Variants in JKAMP observed in about 807,000 individuals in gnomAD.
JKAMP encodes the protein JNK1/MAPK8 associated membrane protein.
A neutral mutation model predicts 40.2 loss-of-function variants in JKAMP; 20 were observed. The ratio of observed to expected loss-of-function variants is 0.50; its 90% confidence interval spans 0.35 to 0.72. The LOEUF (loss-of-function observed/expected upper bound fraction) is 0.72, where lower values mean the gene tolerates loss of function less well. Ranked by LOEUF, JKAMP falls within the 30% of genes least tolerant of loss-of-function variation. JKAMP has a pLI of 0.01. For missense variants in JKAMP, 276 were observed against 373.0 expected (o/e 0.74, Z 2.14); for synonymous variants, 138 against 131.6 (o/e 1.05, Z -0.33).
intron 3 of JKAMP, among the ~76,000 whole-genome samples, chr14:59,489,913 T>G (rs1890862239): frequency 6.6e-6 from 1 of 152,022 alleles, no homozygotes. Flanking sequence ...GTTTTATTTT[T>G]TAATTTATCT....
At chr14:59,485,105 G>C in intron 1 of JKAMP, 5 of 1,598,402 alleles carry the variant, frequency 3.1e-6, no homozygotes, top group Non-Finnish European at 4.2e-6. Context: ...CTTGGAGCCT[G>C]GGTTTTGCTT....
At position 59,503,838 on chromosome 14, in the gene JKAMP, T is replaced by G. The variant is rs1313564321; in HGVS notation, c.718-16T>G. 6.4e-7 allele frequency: 1 copy of G among 1,553,668 alleles called. No homozygotes were observed. Among genetic ancestry groups the G allele is most frequent in the Admixed American group, 1.7e-5 (1 of 58,306 alleles). ...AATCTGTATTTCTCTTTTCTTTCTT[T>G]TACAAAATTATATAGAACTGCTATG... is the stretch of plus-strand genomic sequence containing the variant. On this transcript the variant is annotated splice_polypyrimidine_tract_variant and intron_variant, in intron 6 of 6. Coordinates refer to ENST00000616435, the MANE Select transcript of JKAMP (RefSeq NM_016475.5).
chr14:59,496,106 A>G (rs1217193670), intron 4 of JKAMP, among the ~76,000 whole-genome samples: 1 of 152,126 alleles, frequency 6.6e-6, no homozygotes, highest in Non-Finnish European at 1.5e-5. Context: ...GGGTTTTGCC[A>G]TGTTGGCCAG....
chr14:59,484,619 A>G (rs1890362148), intron 1 of JKAMP, 26 bp downstream of exon 1: 1 of 1,577,176 alleles, frequency 6.3e-7, no homozygotes, highest in Non-Finnish European at 8.6e-7. Context: ...GATCCCGGGA[A>G]GCGTTTCTGG....
intron 1 of JKAMP, chr14:59,484,808 C>A (rs1372897388): frequency 1.1e-6 from 1 of 920,088 alleles, no homozygotes; most frequent in South Asian, 1.8e-5. Flanking sequence ...CTGTCTGCGG[C>A]GAAATGCCAG....
chr14:59,488,931 G>A (rs1428227522), intron 3 of JKAMP, among the ~76,000 whole-genome samples: 1 of 152,186 alleles, frequency 6.6e-6, no homozygotes, highest in Non-Finnish European at 1.5e-5. Context: ...GAAAAATAAG[G>A]AAGACAGCCT....
rs147837187 is a variant in JKAMP at position 59,486,343 on chromosome 14, A to G, written c.5-370A>G. 3.9e-4 allele frequency among the ~76,000 whole-genome samples: 60 copies of G among 152,338 alleles called. No homozygotes were observed. In the East Asian group the frequency reaches 8.3e-3, roughly 21 times the overall value. On this transcript the variant is annotated intron_variant, in intron 1 of 6. Coordinates refer to ENST00000616435, the MANE Select transcript of JKAMP (RefSeq NM_016475.5). ...TTAATGTCCTGACTGGGCAAAATAC[A>G]AGGTGGTGACCCTCTACTGGTGCTC...
At chr14:59,492,085 A>AG (rs1240167107) in intron 3 of JKAMP, among the ~76,000 whole-genome samples, 2 of 152,214 alleles carry the variant, frequency 1.3e-5, no homozygotes, top group Non-Finnish European at 1.5e-5. Context: ...TTATGCTCTG[A>AG]GAGGACACAG....
intron 3 of JKAMP, among the ~76,000 whole-genome samples, chr14:59,488,405 C>A (rs762880472): frequency 6.6e-6 from 1 of 151,990 alleles, no homozygotes; most frequent in Non-Finnish European, 1.5e-5. Flanking sequence ...AAACAAAGTA[C>A]TCTGGAGTTA....
At chr14:59,503,090 A>G (rs1225877975) in intron 6 of JKAMP, among the ~76,000 whole-genome samples, 1 of 149,580 alleles carries the variant, frequency 6.7e-6, no homozygotes, top group African/African-American at 2.5e-5. Flanking sequence ...TTAGCTATAC[A>G]CTGTTAAATT....
chr14:59,485,116 A>T (rs143546562), intron 1 of JKAMP: 11 of 1,598,314 alleles, frequency 6.9e-6, no homozygotes, highest in Non-Finnish European at 9.3e-6. Flanking sequence ...GGTTTTGCTT[A>T]GTAAGTGATA....
chr14:59,485,033 T>C, intron 1 of JKAMP: 2 of 1,597,982 alleles, frequency 1.3e-6, no homozygotes, highest in Non-Finnish European at 1.7e-6. Context: ...TGCAAAAAAA[T>C]GGAATCTTAA....
chr14:59,492,867 G>A (rs1260272089), intron 3 of JKAMP, among the ~76,000 whole-genome samples: 2 of 148,674 alleles, frequency 1.3e-5, no homozygotes, highest in East Asian at 2.0e-4. Flanking sequence ...GTGCGACCTC[G>A]GCTCACTGCA....
At chr14:59,491,022 T>G (rs1890954780) in intron 3 of JKAMP, among the ~76,000 whole-genome samples, 1 of 152,232 alleles carries the variant, frequency 6.6e-6, no homozygotes, top group Admixed American at 6.5e-5. Context: ...GTTGTACAAC[T>G]GTGCTTTGCC....
In JKAMP at chr14:59,486,701, G is replaced by C. The variant is rs1566572837; in HGVS notation, c.5-12G>C. The stretch of plus-strand genomic sequence containing the variant: ...AAAAGATGTTACTATACTGGCATTT[G>C]TTTTTAAAAAGCTGTCGATATTCAA... On this transcript the variant is annotated splice_polypyrimidine_tract_variant and intron_variant, in intron 1 of 6. Coordinates refer to ENST00000616435, the MANE Select transcript of JKAMP (RefSeq NM_016475.5). The C allele has an allele frequency of 1.9e-6, 3 of 1,551,032 alleles. No homozygotes were observed. The highest frequency in any genetic ancestry group is 1.7e-4 in the Middle Eastern group (1 of 5,984).
At position 59,505,150 on chromosome 14, in the gene JKAMP, C is replaced by T; in HGVS notation, c.*1078C>T. On this transcript the variant is annotated 3_prime_UTR_variant, in exon 7 of 7. Transcript: ENST00000616435. ...GTTAAATTTTAAATGTTTAAGACTT[C>T]TATTAACAGCTGCAAAATATGAAAG... 1 of 563,774 alleles carries T rather than the reference C, an allele frequency of 1.8e-6. No individual in the cohort carries two copies. Among genetic ancestry groups the T allele is most frequent in the Admixed American group, 3.4e-5 (1 of 29,308 alleles). The allele number at this position is 563,774 out of a possible 1,614,324, so 34.9% of individuals were successfully genotyped here.
Position 59,504,283 on chromosome 14 carries a change from T to G in JKAMP, c.*211T>G. On this transcript the variant is annotated 3_prime_UTR_variant, in exon 7 of 7. Coordinates refer to ENST00000616435, the MANE Select transcript of JKAMP (RefSeq NM_016475.5). Reference sequence around the variant, plus strand: ...TAATACTCTGTTACACAGGGTAATATTATCTGCTACACTGGAAGGCCGCTA... The same window carrying G: ...TAATACTCTGTTACACAGGGTAATAGTATCTGCTACACTGGAAGGCCGCTA... The G allele has an allele frequency of 7.3e-6, 4 of 545,284 alleles. No individual in the cohort carries two copies. In the South Asian group the frequency reaches 1.0e-4, roughly 14 times the overall value. The allele number at this position is 545,284 out of a possible 1,614,324, so 33.8% of individuals were successfully genotyped here.
Position 59,504,279 on chromosome 14 carries a change from A to AATATT in JKAMP, c.*210_*214dup. 1 of 549,414 alleles carries AATATT rather than the reference A, an allele frequency of 1.8e-6. No individual in the cohort carries two copies. The highest frequency in any genetic ancestry group is 3.0e-5 in the East Asian group (1 of 33,878). 34.0% of individuals were successfully genotyped at this position (549,414 alleles called of 1,614,324 possible). On this transcript the variant is annotated 3_prime_UTR_variant, in exon 7 of 7. Coordinates refer to ENST00000616435, the MANE Select transcript of JKAMP (RefSeq NM_016475.5). ...TCTGTAATACTCTGTTACACAGGGT[A>AATATT]ATATTATCTGCTACACTGGAAGGCC...
At chr14:59,500,525 T>C (rs950139816) in intron 5 of JKAMP, among the ~76,000 whole-genome samples, 4 of 152,230 alleles carry the variant, frequency 2.6e-5, no homozygotes, top group African/African-American at 9.6e-5. Flanking sequence ...TGCAGGAATT[T>C]TGATATTAAG....
Sources: allele counts gnomAD v4.1 joint callset (sites outside exome capture counted in the v4.1 genomes callset), GRCh38; gene constraint gnomAD v4.1.1; transcripts MANE v1.5; gene names NCBI Gene and HGNC (gene_info 2026-07-23, HGNC 2026-07-21).